LPP: variants seen among roughly 807,000 people sequenced by gnomAD.
The protein encoded by LPP is lipoma-preferred partner.
LPP carries 38 observed loss-of-function variants against 60.4 expected under a neutral mutation model. The ratio of observed to expected loss-of-function variants is 0.63; its 90% CI spans 0.49 to 0.83. The LOEUF is 0.83. Among genes scored for constraint, LPP ranks in the 40% least tolerant of loss-of-function variants. The probability of loss-of-function intolerance (pLI) is 0.00; values close to 1 mark genes in which losing one functional copy is unlikely to be tolerated. For synonymous variants in LPP, 328 were observed against 290.8 expected (o/e 1.13, Z -1.30); for missense variants, 902 against 783.6 (o/e 1.15, Z -1.80).
At chr3:188,570,681 C>G (rs2150837822) in intron 6 of LPP, among the ~76,000 whole-genome samples, 1 of 152,042 alleles carries the variant, frequency 6.6e-6, no homozygotes, top group East Asian at 1.9e-4. Flanking sequence ...CTTATGCTCT[C>G]AGTCCTTAGT....
chr3:188,658,163 C>T (rs964795917), intron 7 of LPP, among the ~76,000 whole-genome samples: 7 of 1,422 alleles, frequency 4.9e-3, no homozygotes, highest in Admixed American at 8.9e-3. Flanking sequence ...TTAGTTTTAA[C>T]GACAGAGTCT....
chr3:188,602,164 A>AATATATATAATATATATATAATATATAT (rs1560620365), intron 6 of LPP, among the ~76,000 whole-genome samples: 1 of 98,924 alleles, frequency 1.0e-5, no homozygotes, highest in African/African-American at 3.8e-5. Flanking sequence ...ATATATATAT[A>AATATATATAATATATATATAATATATAT]ATATATATAT....
At chr3:188,241,340 C>G (rs1724727429) in intron 2 of LPP, among the ~76,000 whole-genome samples, 1 of 152,218 alleles carries the variant, frequency 6.6e-6, no homozygotes, top group Admixed American at 6.5e-5. Context: ...TGGACAGCCC[C>G]AGACACCCTC....
intron 3 of LPP, among the ~76,000 whole-genome samples, chr3:188,395,852 T>G (rs1236881661): frequency 6.6e-6 from 1 of 152,042 alleles, no homozygotes; most frequent in Admixed American, 6.6e-5. Context: ...AGTTGCAGGC[T>G]TCAGTGAGCC....
At chr3:188,503,251 T>C (rs1812436320) in intron 5 of LPP, among the ~76,000 whole-genome samples, 1 of 152,134 alleles carries the variant, frequency 6.6e-6, no homozygotes, top group South Asian at 2.1e-4. Flanking sequence ...AAAATTCTGT[T>C]CCTTTTTCAG....
chr3:188,490,404 TC>T (rs1244469800), intron 5 of LPP, among the ~76,000 whole-genome samples: 2 of 152,170 alleles, frequency 1.3e-5, no homozygotes, highest in Non-Finnish European at 2.9e-5. Context: ...TAATCTTTTT[TC>T]TTTTTTTTTG....
Position 188,874,606 on chromosome 3 carries a change from A to G in LPP, c.*127A>G, listed in dbSNP as rs1769029249. 7 of 1,061,180 alleles carry G rather than the reference A, an allele frequency of 6.6e-6. No individual in the cohort carries two copies. The South Asian group carries it at 9.4e-5, about 14-fold the overall frequency. 65.7% of individuals were successfully genotyped at this position (1,061,180 alleles called of 1,614,324 possible). On this transcript the variant is annotated 3_prime_UTR_variant, in exon 12 of 12. Coordinates refer to ENST00000617246, the MANE Select transcript of LPP (RefSeq NM_001375462.1). ...TCATCTGCTATTAACCTTGCCTTAG[A>G]AACACATAAATTATGAGATTTTTTT... is the stretch of plus-strand genomic sequence containing the variant.
intron 4 of LPP, among the ~76,000 whole-genome samples, chr3:188,468,804 A>G (rs1801078526): frequency 6.6e-6 from 1 of 152,154 alleles, no homozygotes; most frequent in African/African-American, 2.4e-5. Flanking sequence ...TGCTGGAGGA[A>G]TAAAAGGGAG....
At chr3:188,196,713 C>T (rs994016238) in intron 1 of LPP, among the ~76,000 whole-genome samples, 18 of 152,196 alleles carry the variant, frequency 1.2e-4, no homozygotes, top group African/African-American at 4.3e-4. Flanking sequence ...GAATCCTTTG[C>T]ATGAATTAAG....
intron 3 of LPP, among the ~76,000 whole-genome samples, chr3:188,380,325 T>C (rs1376374931): frequency 1.3e-5 from 2 of 152,258 alleles, no homozygotes; most frequent in African/African-American, 4.8e-5. Context: ...TGAGGCAGCA[T>C]TTTCATGGCA....
intron 7 of LPP, among the ~76,000 whole-genome samples, chr3:188,687,167 T>C (rs1166657459): frequency 6.6e-6 from 1 of 152,228 alleles, no homozygotes; most frequent in Non-Finnish European, 1.5e-5. Flanking sequence ...GGAGATCATC[T>C]AGTTCGGTTT....
In LPP at chr3:188,887,038, G is replaced by T. The variant is rs1024876188; in HGVS notation, c.*12559G>T. ...GGAAAAGGGTAAAGAACTATTCTTG[G>T]TCATTATTGATGTATTGTGTTGCCA... On this transcript the variant is annotated 3_prime_UTR_variant, in exon 12 of 12. Transcript: ENST00000617246. 72 of 231,034 alleles carry T rather than the reference G, an allele frequency of 3.1e-4. No homozygotes were observed. Among genetic ancestry groups the T allele is most frequent in the African/African-American group, 1.4e-3 (65 of 45,282 alleles). The allele number at this position is 231,034 out of a possible 1,614,324, so 14.3% of individuals were successfully genotyped here. A position where few individuals can be genotyped will look rare whatever the true frequency, so the allele number is the denominator to read the frequency against.
At position 188,292,243 on chromosome 3, in the gene LPP, G is replaced by A. The variant is rs920088550; in HGVS notation, c.-66-49420G>A. On this transcript the variant is annotated intron_variant, in intron 2 of 11. Transcript: ENST00000617246. ...ACTTGCTATATGAATTTAAAGAGGA[G>A]CACTTCTACTGATGTACAAACTGGA... 5.3e-5 allele frequency among the ~76,000 whole-genome samples: 8 copies of A among 152,206 alleles called. No homozygotes were observed. In the East Asian group the frequency reaches 7.7e-4, roughly 15 times the overall value.
intron 8 of LPP, among the ~76,000 whole-genome samples, chr3:188,713,343 A>T (rs1577151604): frequency 6.6e-6 from 1 of 152,234 alleles, no homozygotes; most frequent in African/African-American, 2.4e-5. Flanking sequence ...AATTGAAGAG[A>T]CATGCCATTC....
Position 188,448,387 on chromosome 3 carries a change from GAGATATCTATATTTAGATAA to G in LPP, c.194-36165_194-36146del, listed in dbSNP as rs1289507635. Among the ~76,000 whole-genome samples, 9 of 34,222 alleles carry G rather than the reference GAGATATCTATATTTAGATAA, an allele frequency of 2.6e-4. No homozygotes were observed. The South Asian group carries it at 6.8e-3, about 26-fold the overall frequency. 22.5% of individuals were successfully genotyped at this position (34,222 alleles called of 152,430 possible). On this transcript the variant is annotated intron_variant, in intron 4 of 11. Transcript: ENST00000617246. ...ATAGATAATAATATCTATCTATATT[GAGATATCTATATTTAGATAA>G]AGATATCTATATTTAGATAAAGATA... is the stretch of plus-strand genomic sequence containing the variant.
chr3:188,433,348 TTTG>T (rs1791427656), intron 4 of LPP, among the ~76,000 whole-genome samples: 1 of 152,066 alleles, frequency 6.6e-6, no homozygotes, highest in African/African-American at 2.4e-5. Flanking sequence ...AGTCAATCAT[TTTG>T]TAACCAGGCA....
intron 6 of LPP, among the ~76,000 whole-genome samples, chr3:188,594,677 G>T (rs1183064320): frequency 6.6e-6 from 1 of 152,160 alleles, no homozygotes; most frequent in African/African-American, 2.4e-5. Context: ...TATTTCTTTG[G>T]TTTTGGGTGG....
intron 3 of LPP, among the ~76,000 whole-genome samples, chr3:188,368,722 A>C (rs1311436753): frequency 2.3e-5 from 1 of 43,224 alleles, no homozygotes; most frequent in African/African-American, 4.3e-5. Flanking sequence ...ACACACACAG[A>C]GAGAGAGAGA....
intron 7 of LPP, among the ~76,000 whole-genome samples, chr3:188,705,223 A>G (rs1865252943): frequency 6.6e-6 from 1 of 152,234 alleles, no homozygotes; most frequent in African/African-American, 2.4e-5. Context: ...ACATTTCCGT[A>G]CCTGGTCTTT....
Sources: allele counts gnomAD v4.1 joint callset (sites outside exome capture counted in the v4.1 genomes callset), GRCh38; gene constraint gnomAD v4.1.1; transcripts MANE v1.5; gene names NCBI Gene and HGNC (gene_info 2026-07-23, HGNC 2026-07-21).